The following PIEZO1 variants were observed in gnomAD, a reference collection of about 807,000 sequenced individuals.
The protein encoded by PIEZO1 is piezo-type mechanosensitive ion channel component 1.
A neutral mutation model predicts 297.2 loss-of-function variants in PIEZO1; 296 were observed. The ratio of observed to expected loss-of-function variants is 1.00; its 90% confidence interval spans 0.91 to 1.10. The LOEUF (loss-of-function observed/expected upper bound fraction) is 1.10. PIEZO1 is among the 50% of genes least tolerant of loss of function. PIEZO1 has a pLI of 0.00. For missense variants in PIEZO1, 5,018 were observed against 3,455.5 expected (o/e 1.45, Z -11.34); for synonymous variants, 2,427 against 1,507.5 (o/e 1.61, Z -14.13).
In PIEZO1 at chr16:88,719,581, G is replaced by A; in HGVS notation, c.6464C>T (p.Thr2155Ile). The A allele has an allele frequency of 1.3e-6, 2 of 1,550,692 alleles. No homozygotes were observed. Among genetic ancestry groups the A allele is most frequent in the East Asian group, 2.4e-5 (1 of 40,940 alleles). ...CGCCCTGGGCCCAGGCACCTTCTCTGTCTCTCGGCTGCATTTGATGATGAA... is the reference window on the plus strand; with the variant it reads ...CGCCCTGGGCCCAGGCACCTTCTCTATCTCTCGGCTGCATTTGATGATGAA... ...NIFIIKCSRE[T>I]EKKYPQPKGQ... The change falls in exon 44 of 51, where the codon ACA (threonine) becomes ATA (isoleucine). Residue 2155 changes from threonine to isoleucine, a missense_variant. Physicochemically the swap from Thr to Ile is moderately conservative, Grantham distance 89. Transcript: ENST00000301015.
rs1296779723 is a variant in PIEZO1 at position 88,738,274 on chromosome 16, C to G, written c.801G>C (p.Gln267His). Residue 267 changes from glutamine to histidine, a missense_variant, in exon 7 of 51, where the codon CAG (glutamine) becomes CAC (histidine). Physicochemically the swap from Gln to His is conservative, Grantham distance 24 (BLOSUM62 0). Coordinates refer to ENST00000301015, the MANE Select transcript of PIEZO1 (RefSeq NM_001142864.4). ...AGHLICLYCYQMPLAQALLPP... is the reference protein window; with the variant it reads ...AGHLICLYCYHMPLAQALLPP... ...GGAGCAGAGCCTGTGCCAAGGGCATCTGGTAGCAGTAGAGGCAGATGAGAT... is the reference window on the plus strand; with the variant it reads ...GGAGCAGAGCCTGTGCCAAGGGCATGTGGTAGCAGTAGAGGCAGATGAGAT... The G allele has an allele frequency of 1.3e-6, 2 of 1,535,814 alleles. No individual in the cohort carries two copies. Among genetic ancestry groups the G allele is most frequent in the Non-Finnish European group, 1.7e-6 (2 of 1,146,874 alleles).
chr16:88,775,739 AAAAAAGAAAAG>A (rs1268172163), intron 1 of PIEZO1, among the ~76,000 whole-genome samples: 8 of 151,542 alleles, frequency 5.3e-5, no homozygotes, highest in Non-Finnish European at 1.2e-4. Flanking sequence ...AAAAAAAAAA[AAAAAAGAAAAG>A]AAAAAAGACA....
At chr16:88,755,206 C>T (rs1022598530) in intron 1 of PIEZO1, among the ~76,000 whole-genome samples, 2 of 152,158 alleles carry the variant, frequency 1.3e-5, no homozygotes, top group South Asian at 2.1e-4. Context: ...CGAACAGCCG[C>T]CCCCGCCGCC....
At chr16:88,724,639 A>T (rs1597447845) in intron 30 of PIEZO1, among the ~76,000 whole-genome samples, 1 of 152,110 alleles carries the variant, frequency 6.6e-6, no homozygotes, top group East Asian at 1.9e-4. Flanking sequence ...GATTGCAGTG[A>T]GCTGAGATCA....
At position 88,732,720 on chromosome 16, in the gene PIEZO1, T is replaced by C; in HGVS notation, c.2677A>G (p.Ser893Gly). 6.5e-7 allele frequency: 1 copy of C among 1,547,512 alleles called. No individual in the cohort carries two copies. The highest frequency in any genetic ancestry group is 1.4e-5 in the African/African-American group (1 of 73,108). The stretch of plus-strand genomic sequence containing the variant: ...ATCTCCGTGGGCAGCAAGTTGGTGC[T>C]GTTGGGGAAGGGCTGGCAAGAGGCC... ...SSNCTEPFPN[S>G]TNLLPTEISQ... The change falls in exon 20 of 51, where the codon AGC (serine) becomes GGC (glycine). Residue 893 changes from serine to glycine, a missense_variant. By Grantham distance (56) the Ser-to-Gly change is moderately conservative. Coordinates refer to ENST00000301015, the MANE Select transcript of PIEZO1 (RefSeq NM_001142864.4).
chr16:88,754,030 T>C (rs1339508097), intron 1 of PIEZO1, among the ~76,000 whole-genome samples: 1 of 152,166 alleles, frequency 6.6e-6, no homozygotes, highest in African/African-American at 2.4e-5. Flanking sequence ...GTGGGGGTAA[T>C]GCCTTTTCCT....
chr16:88,780,868 G>A (rs190610752), intron 1 of PIEZO1, among the ~76,000 whole-genome samples: 38 of 152,306 alleles, frequency 2.5e-4, no homozygotes, highest in African/African-American at 8.7e-4. Flanking sequence ...GAGGCAGGAG[G>A]ATGGCTTGAG....
chr16:88,736,355 G>A lies in PIEZO1; in HGVS notation c.1350C>T (p.Ala450=). 1.3e-6 allele frequency: 2 copies of A among 1,550,070 alleles called. No individual in the cohort carries two copies. Among genetic ancestry groups the A allele is most frequent in the Non-Finnish European group, 1.7e-6 (2 of 1,146,814 alleles). ...SWLTFVLLLW[A]CLIWTVRSRH... ...GGCTGCGCACCGTCCAGATGAGGCAGGCCCAGAGCAGCAGTACGAAGGTCA... is the reference window on the plus strand; with the variant it reads ...GGCTGCGCACCGTCCAGATGAGGCAAGCCCAGAGCAGCAGTACGAAGGTCA... Residue 450 remains alanine (A), a synonymous_variant, in exon 12 of 51, where the codon GCC becomes GCT. Coordinates refer to ENST00000301015, the MANE Select transcript of PIEZO1 (RefSeq NM_001142864.4).
At chr16:88,750,803 G>T (rs559886542) in intron 1 of PIEZO1, among the ~76,000 whole-genome samples, 1 of 152,280 alleles carries the variant, frequency 6.6e-6, no homozygotes, top group South Asian at 2.1e-4. Context: ...CTGGAAAGGC[G>T]CCTCATGCTG....
chr16:88,774,669 G>A (rs996379321), intron 1 of PIEZO1, among the ~76,000 whole-genome samples: 9 of 152,332 alleles, frequency 5.9e-5, no homozygotes, highest in East Asian at 1.9e-4. Flanking sequence ...AAGAAGGGCC[G>A]ACCAGACAAG....
chr16:88,746,065 G>A (rs890644430), intron 2 of PIEZO1, among the ~76,000 whole-genome samples: 2 of 150,428 alleles, frequency 1.3e-5, no homozygotes, highest in African/African-American at 2.4e-5. Context: ...GGAGCCCCCT[G>A]GAACCTGATC....
In PIEZO1 at chr16:88,723,384, G is replaced by C; in HGVS notation, c.4336-56C>G. On this transcript the variant is annotated intron_variant, in intron 31 of 50. Coordinates refer to ENST00000301015, the MANE Select transcript of PIEZO1 (RefSeq NM_001142864.4). ...CCTCCCGAGCCATCAGACCCAGGCGGGAAGCTGGGGTTGGGCAAGCCGGGC... is the reference window on the plus strand; with the variant it reads ...CCTCCCGAGCCATCAGACCCAGGCGCGAAGCTGGGGTTGGGCAAGCCGGGC... 5.9e-6 allele frequency: 9 copies of C among 1,528,864 alleles called. No homozygotes were observed. In the South Asian group the frequency reaches 1.1e-4, roughly 18 times the overall value. The allele number at this position is 1,528,864 out of a possible 1,614,324, so 94.7% of individuals were successfully genotyped here.
Position 88,735,391 on chromosome 16 carries a change from C to G in PIEZO1, c.1558-145G>C, listed in dbSNP as rs1464716761. The G allele has an allele frequency of 4.6e-6, 3 of 649,302 alleles. No homozygotes were observed. The South Asian group carries it at 5.3e-5, about 11-fold the overall frequency. 40.2% of individuals were successfully genotyped at this position (649,302 alleles called of 1,614,324 possible). A position where few individuals can be genotyped will look rare whatever the true frequency, so the allele number is the denominator to read the frequency against. On this transcript the variant is annotated intron_variant, in intron 12 of 50. Coordinates refer to ENST00000301015, the MANE Select transcript of PIEZO1 (RefSeq NM_001142864.4). Reference sequence around the variant, plus strand: ...ATCCACCGCAGCCTCCCCACAGGCACCGAACACCCTCTCGCTCACACCCAC... The same window carrying G: ...ATCCACCGCAGCCTCCCCACAGGCAGCGAACACCCTCTCGCTCACACCCAC...
At chr16:88,745,955 T>C (rs968175976) in intron 2 of PIEZO1, among the ~76,000 whole-genome samples, 1 of 152,030 alleles carries the variant, frequency 6.6e-6, no homozygotes, top group African/African-American at 2.4e-5. Context: ...TGATGCGTGG[T>C]CCATAGCCAC....
At chr16:88,730,147 G>A (rs1258570597) in intron 22 of PIEZO1, among the ~76,000 whole-genome samples, 1 of 152,260 alleles carries the variant, frequency 6.6e-6, no homozygotes, top group Non-Finnish European at 1.5e-5. Flanking sequence ...AGAGGCTGAG[G>A]CAGCCCTGTA....
Position 88,734,899 on chromosome 16 carries a change from G to C in PIEZO1, c.1824C>G (p.Phe608Leu), listed in dbSNP as rs764920069. Reference sequence around the variant, plus strand: ...CCTGGAAGAGGGTGAGGCAGAGCAGGAAGAGGAACATGTAGACAATCTTGT... The same window carrying C: ...CCTGGAAGAGGGTGAGGCAGAGCAGCAAGAGGAACATGTAGACAATCTTGT... Reference protein sequence around the residue: ...VVYKIVYMFLFLLCLTLFQVY... With the variant: ...VVYKIVYMFLLLLCLTLFQVY... Residue 608 changes from phenylalanine (F) to leucine (L), a missense_variant, in exon 14 of 51, where the codon TTC becomes TTG. Physicochemically the swap from Phe to Leu is conservative, Grantham distance 22 (BLOSUM62 0). Coordinates refer to ENST00000301015, the MANE Select transcript of PIEZO1 (RefSeq NM_001142864.4). 1 of 1,550,278 alleles carries C rather than the reference G, an allele frequency of 6.5e-7. No homozygotes were observed. Among genetic ancestry groups the C allele is most frequent in the Non-Finnish European group, 8.7e-7 (1 of 1,146,970 alleles).
At chr16:88,749,157 G>A (rs1168792315) in intron 2 of PIEZO1, among the ~76,000 whole-genome samples, 6 of 149,714 alleles carry the variant, frequency 4.0e-5, no homozygotes, top group Non-Finnish European at 8.9e-5. Context: ...GGAGAATGGC[G>A]TGAACCTGGG....
At chr16:88,756,483 G>A (rs144801475) in intron 1 of PIEZO1, among the ~76,000 whole-genome samples, 257 of 152,356 alleles carry the variant, frequency 1.7e-3, no homozygotes, top group African/African-American at 5.8e-3. Context: ...GCCGGGCACC[G>A]TGGCTCACGC....
At chr16:88,759,052 T>C (rs967848437) in intron 1 of PIEZO1, among the ~76,000 whole-genome samples, 2 of 152,210 alleles carry the variant, frequency 1.3e-5, no homozygotes, top group South Asian at 4.1e-4. Context: ...TTCCCTTTTT[T>C]ACAAGGGGAA....
Sources: gnomAD v4.1 joint callset for allele counts (sites outside exome capture counted in the v4.1 genomes callset) on GRCh38, gnomAD v4.1.1 for gene constraint, MANE v1.5 for transcripts, NCBI Gene and HGNC (gene_info 2026-07-23, HGNC 2026-07-21) for gene names.